The following CD109 variants were observed in gnomAD, a reference collection of about 807,000 sequenced individuals.
CD109 encodes the protein CD109 molecule, also known as CD109 antigen.
Under a neutral mutation model 165.8 loss-of-function variants are expected in CD109, and 149 were observed. The observed-to-expected ratio is 0.90, with a 90% CI of 0.79 to 1.03. The LOEUF (loss-of-function observed/expected upper bound fraction) is 1.03, where lower values mean the gene tolerates loss of function less well. CD109 is among the 50% of genes least tolerant of loss of function. The pLI, the probability that CD109 is intolerant of heterozygous loss-of-function variation, is 0.00. For synonymous variants in CD109, 585 were observed against 592.1 expected (o/e 0.99, Z 0.18); for missense variants, 1,712 against 1,677.8 (o/e 1.02, Z -0.36).
At chr6:73,725,907 A>G (rs1772125220) in intron 3 of CD109, among the ~76,000 whole-genome samples, 1 of 152,232 alleles carries the variant, frequency 6.6e-6, no homozygotes, top group South Asian at 2.1e-4. Context: ...GTATATAAAT[A>G]TAGCTATTAT....
chr6:73,815,004 G>C lies in CD109; in HGVS notation c.3792G>C (p.Lys1264Asn). The change falls in exon 30 of 33, where the codon AAG becomes AAC. Residue 1264 changes from lysine to asparagine, a missense_variant. Transcript: ENST00000287097. ...AGCTCAATGTTGTATATAATGTGAAGGCTTCTGGGTCTTCTAGAAGACGAA... is the reference window on the plus strand; with the variant it reads ...AGCTCAATGTTGTATATAATGTGAACGCTTCTGGGTCTTCTAGAAGACGAA... The part of the protein sequence containing the change: ...ICQLNVVYNV[K>N]ASGSSRRRRS... 1 of 1,562,094 alleles carries C rather than the reference G, an allele frequency of 6.4e-7. No individual in the cohort carries two copies. Among genetic ancestry groups the C allele is most frequent in the Non-Finnish European group, 8.6e-7 (1 of 1,163,924 alleles).
chr6:73,757,525 T>A lies in CD109; in HGVS notation c.673+843T>A, dbSNP rs189392753. 5.7e-3 allele frequency among the ~76,000 whole-genome samples: 872 copies of A among 152,302 alleles called. 4 individuals carry two copies. Among genetic ancestry groups the A allele is most frequent in the Non-Finnish European group, 0.01 (706 of 68,032 alleles). ...TCAACCAGTTAAAAATTGTAAAAAATGTTCTTGGTTCATGCTGGTCATAGT... is the reference window on the plus strand; with the variant it reads ...TCAACCAGTTAAAAATTGTAAAAAAAGTTCTTGGTTCATGCTGGTCATAGT... On this transcript the variant is annotated intron_variant, in intron 6 of 32. Transcript: ENST00000287097.
intron 23 of CD109, among the ~76,000 whole-genome samples, chr6:73,796,450 C>T (rs1775168558): frequency 6.6e-6 from 1 of 152,162 alleles, no homozygotes; most frequent in Admixed American, 6.5e-5. Context: ...TTGATGTTTG[C>T]CTCAGAGTGG....
At chr6:73,815,703 C>G (rs1009333744) in intron 30 of CD109, among the ~76,000 whole-genome samples, 3 of 152,110 alleles carry the variant, frequency 2.0e-5, no homozygotes, top group African/African-American at 7.2e-5. Flanking sequence ...ATCTGAGAAT[C>G]TTGTTAATAA....
chr6:73,733,753 C>T (rs1378196602), intron 4 of CD109, among the ~76,000 whole-genome samples: 4 of 152,140 alleles, frequency 2.6e-5, no homozygotes, highest in African/African-American at 4.8e-5. Flanking sequence ...AGAACCTGAC[C>T]GCTGGCCAGG....
chr6:73,730,523 A>G lies in CD109; in HGVS notation c.456A>G (p.Thr152=), dbSNP rs750490627. The part of the protein sequence containing the change: ...PKQEVKFRIV[T]LFSDFKPYKT... ...AAGAAGTGAAGTTTCGCATTGTTAC[A>G]CTCTTCTCAGATTTTAAGCCTTACA... is the stretch of plus-strand genomic sequence containing the variant. The change falls in exon 4 of 33, where the codon ACA becomes ACG. Residue 152 remains threonine (T), a synonymous_variant. Transcript: ENST00000287097. The G allele has an allele frequency of 1.1e-5, 17 of 1,614,082 alleles. No individual in the cohort carries two copies. Among genetic ancestry groups the G allele is most frequent in the Non-Finnish European group, 1.4e-5 (17 of 1,179,968 alleles).
intron 22 of CD109, among the ~76,000 whole-genome samples, chr6:73,792,367 A>G (rs534539613): frequency 6.6e-6 from 1 of 152,256 alleles, no homozygotes; most frequent in Non-Finnish European, 1.5e-5. Context: ...TTTTTTGCCT[A>G]ATTTATGCCA....
intron 20 of CD109, among the ~76,000 whole-genome samples, chr6:73,786,825 AT>A (rs1369741802): frequency 1.3e-5 from 2 of 152,218 alleles, no homozygotes; most frequent in African/African-American, 4.8e-5. Context: ...AATAAATTCA[AT>A]AACATTTCAT....
At chr6:73,712,739 A>G (rs1257680858) in intron 2 of CD109, among the ~76,000 whole-genome samples, 1 of 152,250 alleles carries the variant, frequency 6.6e-6, no homozygotes, top group African/African-American at 2.4e-5. Context: ...CCTTCAAACA[A>G]GGTTTCTTCT....
the CD109 span, among the ~76,000 whole-genome samples, chr6:73,690,417 T>C: frequency 1.3e-5 from 2 of 152,264 alleles, no homozygotes; most frequent in South Asian, 2.1e-4. Flanking sequence ...GTTTGTTTTT[T>C]TGAGACGGAG....
intron 15 of CD109, among the ~76,000 whole-genome samples, chr6:73,777,064 T>G (rs1356629085): frequency 1.2e-5 from 1 of 85,598 alleles, no homozygotes; most frequent in African/African-American, 5.3e-5. Flanking sequence ...GTTCAAGTGA[T>G]TCTCCTGCCT....
In CD109 at chr6:73,756,539, T is replaced by A. The variant is rs559419270; in HGVS notation, c.634-104T>A. ...GTTCATTGCATCATTATAAATGTAA[T>A]TTAAAAATTAATTTTCTAAATTGTT... On this transcript the variant is annotated intron_variant, in intron 5 of 32. Coordinates refer to ENST00000287097, the MANE Select transcript of CD109 (RefSeq NM_133493.5). 3.9e-5 allele frequency: 30 copies of A among 760,656 alleles called. No homozygotes were observed. The East Asian group carries it at 9.0e-4, about 23-fold the overall frequency. The allele number at this position is 760,656 out of a possible 1,614,324, so 47.1% of individuals were successfully genotyped here. A position where few individuals can be genotyped will look rare whatever the true frequency, so the allele number is the denominator to read the frequency against.
intron 23 of CD109, among the ~76,000 whole-genome samples, chr6:73,798,982 C>A (rs1775269577): frequency 6.6e-6 from 1 of 152,074 alleles, no homozygotes; most frequent in Non-Finnish European, 1.5e-5. Context: ...CCTCTCCTCT[C>A]CTTCTCCTCT....
intron 5 of CD109, among the ~76,000 whole-genome samples, chr6:73,743,933 T>C (rs1392913): frequency 0.39 from 59,965 of 152,140 alleles, 12,007 homozygotes; most frequent in African/African-American, 0.46. Flanking sequence ...CTTAGAGCAT[T>C]ATCTGGCAGA....
rs752351300 is a variant in CD109, at chr6:73,823,487, G to A, written c.4192G>A (p.Glu1398Lys). ...ACAGGCGGTGAGAAGTTACAACTCT[G>A]AAGTGAAGCTGTCCTCCTGTGACCT... is the stretch of plus-strand genomic sequence containing the variant. ...RRQAVRSYNS[E>K]VKLSSCDLCS... The change falls in exon 33 of 33, where the codon GAA becomes AAA. Residue 1398 changes from glutamate to lysine, a missense_variant. Glu to Lys is a moderately conservative substitution (Grantham distance 56). Transcript: ENST00000287097. 1.9e-6 allele frequency: 3 copies of A among 1,613,244 alleles called. No homozygotes were observed. Among genetic ancestry groups the A allele is most frequent in the Non-Finnish European group, 2.5e-6 (3 of 1,179,338 alleles).
intron 2 of CD109, among the ~76,000 whole-genome samples, chr6:73,705,368 A>T (rs1771228415): frequency 1.3e-5 from 2 of 152,160 alleles, no homozygotes; most frequent in Non-Finnish European, 2.9e-5. Context: ...GACCAGACAC[A>T]GTGGCTCATG....
At chr6:73,777,067 T>C (rs1420952601) in intron 15 of CD109, among the ~76,000 whole-genome samples, 2 of 69,130 alleles carry the variant, frequency 2.9e-5, no homozygotes, top group South Asian at 5.1e-4. Context: ...CAAGTGATTC[T>C]CCTGCCTCAG....
At chr6:73,779,343 G>C (rs914191420) in intron 15 of CD109, among the ~76,000 whole-genome samples, 1 of 151,634 alleles carries the variant, frequency 6.6e-6, no homozygotes, top group South Asian at 2.1e-4. Context: ...CCGCCTCCCG[G>C]GTTCAAACCA....
At chr6:73,732,490 A>AC (rs1000035426) in intron 4 of CD109, among the ~76,000 whole-genome samples, 4 of 152,176 alleles carry the variant, frequency 2.6e-5, no homozygotes, top group South Asian at 2.1e-4. Flanking sequence ...AATTCATGTC[A>AC]CCCCCCTGAG....
Sources: allele counts gnomAD v4.1 joint callset (sites outside exome capture counted in the v4.1 genomes callset), GRCh38; gene constraint gnomAD v4.1.1; transcripts MANE v1.5; gene names NCBI Gene and HGNC (gene_info 2026-07-23, HGNC 2026-07-21).